Variants in NCOA2 observed in about 807,000 individuals in gnomAD.
The protein encoded by NCOA2 is class E basic helix-loop-helix protein 75.
NCOA2 carries 21 observed loss-of-function variants against 145.1 expected under a neutral mutation model. The ratio of observed to expected loss-of-function variants is 0.14; its 90% CI spans 0.10 to 0.21. NCOA2 has a LOEUF of 0.21. NCOA2 is among the 10% of genes least tolerant of loss of function. The pLI, the probability that NCOA2 is intolerant of heterozygous loss-of-function variation, is 1.00. For synonymous variants in NCOA2, 619 were observed against 637.5 expected (o/e 0.97, Z 0.44); for missense variants, 1,472 against 1,837.6 (o/e 0.80, Z 3.64).
chr8:70,323,788 A>G (rs1182269001), intron 1 of NCOA2, among the ~76,000 whole-genome samples: 3 of 152,092 alleles, frequency 2.0e-5, no homozygotes, highest in East Asian at 1.9e-4. Flanking sequence ...GGTTTTCTAG[A>G]AAAAAAATAG....
intron 1 of NCOA2, among the ~76,000 whole-genome samples, chr8:70,340,088 A>G (rs1421543276): frequency 6.6e-6 from 1 of 152,236 alleles, no homozygotes; most frequent in Non-Finnish European, 1.5e-5. Flanking sequence ...AAATTGACAA[A>G]TGGGATCTAA....
At chr8:70,202,015 T>C (rs753110878) in intron 4 of NCOA2, among the ~76,000 whole-genome samples, 26 of 152,242 alleles carry the variant, frequency 1.7e-4, no homozygotes, top group Admixed American at 2.0e-4. Flanking sequence ...TACTTGACTA[T>C]AGAAGGCATT....
intron 1 of NCOA2, among the ~76,000 whole-genome samples, chr8:70,307,550 C>T (rs191304554): frequency 1.2e-4 from 19 of 152,260 alleles, no homozygotes; most frequent in African/African-American, 1.2e-4. Context: ...ATCATGTGGA[C>T]GACCATTATA....
chr8:70,194,251 A>T (rs1166605166), intron 4 of NCOA2, among the ~76,000 whole-genome samples: 1 of 152,216 alleles, frequency 6.6e-6, no homozygotes. Flanking sequence ...GGAAGTTCAG[A>T]TTTTACATTC....
intron 1 of NCOA2, among the ~76,000 whole-genome samples, chr8:70,397,863 C>T (rs1813837556): frequency 1.3e-5 from 2 of 152,078 alleles, no homozygotes; most frequent in Admixed American, 1.3e-4. Flanking sequence ...CAACCCAAAC[C>T]CAAATCAAAG....
intron 1 of NCOA2, among the ~76,000 whole-genome samples, chr8:70,326,351 G>A (rs1806550612): frequency 6.6e-6 from 1 of 151,928 alleles, no homozygotes; most frequent in Non-Finnish European, 1.5e-5. Flanking sequence ...GCATTTCACT[G>A]TTAGTTCAAA....
chr8:70,236,890 C>A (rs181200838), intron 2 of NCOA2, among the ~76,000 whole-genome samples: 1 of 152,268 alleles, frequency 6.6e-6, no homozygotes, highest in East Asian at 1.9e-4. Flanking sequence ...AACCAATCCC[C>A]TGTAATACTG....
the NCOA2 span, among the ~76,000 whole-genome samples, chr8:70,450,573 CTTTTTT>C: frequency 2.2e-4 from 21 of 94,630 alleles, no homozygotes; most frequent in East Asian, 4.0e-4. Flanking sequence ...TCTTTTTATT[CTTTTTT>C]TTTTTTTTTT....
intron 1 of NCOA2, among the ~76,000 whole-genome samples, chr8:70,371,746 G>T (rs576745939): frequency 6.6e-6 from 1 of 152,120 alleles, no homozygotes; most frequent in Non-Finnish European, 1.5e-5. Flanking sequence ...GAGGACATAA[G>T]AACACTACTG....
In NCOA2 at chr8:70,131,905, C is replaced by G; in HGVS notation, c.3256G>C (p.Ala1086Pro). 6.2e-7 allele frequency: 1 copy of G among 1,607,060 alleles called. No individual in the cohort carries two copies. The highest frequency in any genetic ancestry group is 8.5e-7 in the Non-Finnish European group (1 of 1,176,982). The change falls in exon 16 of 23, where the codon GCC (alanine) becomes CCC (proline). Residue 1086 changes from alanine to proline, a missense_variant. Coordinates refer to ENST00000452400, the MANE Select transcript of NCOA2 (RefSeq NM_006540.4). ...TCCAGGCCATCAAAATTCCGCAAGG[C>G]CAGATACAGCTGGTCCAGGAGAGCT... Reference protein sequence around the residue: ...EGALLDQLYLALRNFDGLEEI... With the variant: ...EGALLDQLYLPLRNFDGLEEI...
chr8:70,345,088 C>T (rs76565478), intron 1 of NCOA2, among the ~76,000 whole-genome samples: 4,878 of 152,254 alleles, frequency 0.032, 253 homozygotes, highest in African/African-American at 0.11. Flanking sequence ...ATATTAACCA[C>T]ATCTGAAAAG....
intron 1 of NCOA2, among the ~76,000 whole-genome samples, chr8:70,345,114 T>C (rs970198877): frequency 1.3e-5 from 2 of 152,210 alleles, no homozygotes; most frequent in African/African-American, 4.8e-5. Flanking sequence ...TTATCCTTCA[T>C]ACAACTCCAA....
intron 4 of NCOA2, among the ~76,000 whole-genome samples, chr8:70,210,555 C>T (rs1253514847): frequency 6.6e-6 from 1 of 152,186 alleles, no homozygotes; most frequent in Admixed American, 6.5e-5. Flanking sequence ...TAAAGCGCTA[C>T]GTACAACAGA....
At chr8:70,438,687 T>C in the NCOA2 span, among the ~76,000 whole-genome samples, 1 of 152,228 alleles carries the variant, frequency 6.6e-6, no homozygotes, top group Non-Finnish European at 1.5e-5. Context: ...TTTACATTTA[T>C]TTTAAAAAAT....
At chr8:70,257,189 T>C (rs1823705709) in intron 2 of NCOA2, among the ~76,000 whole-genome samples, 2 of 152,208 alleles carry the variant, frequency 1.3e-5, no homozygotes. Context: ...ATCCTTGGTT[T>C]TTCCCTTCTG....
intron 8 of NCOA2, 73 bp downstream of exon 8, chr8:70,163,392 A>ATTAG: frequency 9.4e-7 from 1 of 1,064,184 alleles, no homozygotes; most frequent in Non-Finnish European, 1.4e-6. Context: ...TCTTCTAAAT[A>ATTAG]GAGTCCTTGC....
At chr8:70,144,577 G>A in intron 13 of NCOA2, 65 bp downstream of exon 13, 1 of 1,315,862 alleles carries the variant, frequency 7.6e-7, no homozygotes, top group Non-Finnish European at 1.1e-6. Context: ...CTAGTTTGAT[G>A]TGGATAAATA....
At chr8:70,358,452 T>C (rs1390208045) in intron 1 of NCOA2, among the ~76,000 whole-genome samples, 1 of 152,176 alleles carries the variant, frequency 6.6e-6, no homozygotes, top group African/African-American at 2.4e-5. Flanking sequence ...AGTCCAGAAA[T>C]ACATTATCTA....
chr8:70,414,179 G>A, the NCOA2 span, among the ~76,000 whole-genome samples: 2 of 151,952 alleles, frequency 1.3e-5, no homozygotes, highest in Admixed American at 6.6e-5. Flanking sequence ...CTAATATTGG[G>A]TACTTTCTCA....
Sources: gnomAD v4.1 joint callset for allele counts (sites outside exome capture counted in the v4.1 genomes callset) on GRCh38, gnomAD v4.1.1 for gene constraint, MANE v1.5 for transcripts, NCBI Gene and HGNC (gene_info 2026-07-23, HGNC 2026-07-21) for gene names.